Variants in SH3RF2 observed in about 807,000 individuals in gnomAD.
SH3RF2 encodes SH3 domain containing ring finger 2.
In SH3RF2, 43 loss-of-function variants were observed where a neutral mutation model predicts 59.0. That is an observed-to-expected ratio of 0.73 (90% CI 0.57 to 0.94). The LOEUF (loss-of-function observed/expected upper bound fraction) is 0.94, where lower values mean the gene tolerates loss of function less well. Ranked by LOEUF, SH3RF2 falls within the 40% of genes least tolerant of loss-of-function variation. The pLI, the probability that SH3RF2 is intolerant of heterozygous loss-of-function variation, is 0.00. For missense variants in SH3RF2, 930 were observed against 940.1 expected (o/e 0.99, Z 0.14); for synonymous variants, 391 against 391.5 (o/e 1.00, Z 0.01).
chr5:146,067,633 C>T (rs1212504003), downstream of SH3RF2, among the ~76,000 whole-genome samples: 1 of 152,188 alleles, frequency 6.6e-6, no homozygotes, highest in Admixed American at 6.5e-5. Flanking sequence ...AAGTGTGAGG[C>T]TCCAATCCAC....
At chr5:146,020,297 C>A (rs747723235) in intron 5 of SH3RF2, among the ~76,000 whole-genome samples, 1 of 152,192 alleles carries the variant, frequency 6.6e-6, no homozygotes, top group Non-Finnish European at 1.5e-5. Context: ...GACACACACA[C>A]GTGCATACAC....
At chr5:145,989,681 TC>T (rs1323845068) in intron 2 of SH3RF2, among the ~76,000 whole-genome samples, 1 of 152,160 alleles carries the variant, frequency 6.6e-6, no homozygotes, top group East Asian at 1.9e-4. Flanking sequence ...TTGATGTTGG[TC>T]CCACCTGATG....
In SH3RF2 at chr5:145,938,234, C is replaced by T; in HGVS notation, c.306C>T (p.Ser102=). ...GTMTLQDGRK[S]RTNPRRLQAS... ...TGACCTTGCAGGATGGCAGGAAAAG[C>T]AGGACCAACCCCAGACGTCTGCAGG... Residue 102 remains serine (S), a synonymous_variant, in exon 2 of 10, where the codon AGC becomes AGT. Coordinates refer to ENST00000359120, the MANE Select transcript of SH3RF2 (RefSeq NM_152550.4). The T allele has an allele frequency of 6.2e-7, 1 of 1,610,718 alleles. No homozygotes were observed. The highest frequency in any genetic ancestry group is 8.5e-7 in the Non-Finnish European group (1 of 1,179,636).
rs568102817 is a variant in SH3RF2 at position 146,060,223 on chromosome 5, A to C, written c.1913A>C (p.Lys638Thr). ...KPENSRNGIE[K>T]QVKTVRFQNY... ...GAAAACTCAAGAAATGGCATCGAAAAGGTAGGATCAGAGTGACATTGGGGG... is the reference window on the plus strand; with the variant it reads ...GAAAACTCAAGAAATGGCATCGAAACGGTAGGATCAGAGTGACATTGGGGG... The change falls in exon 9 of 10, where the codon AAG (lysine) becomes ACG (threonine). Residue 638 changes from lysine (K) to threonine (T), a missense_variant and splice_region_variant. By Grantham distance (78) the Lys-to-Thr change is moderately conservative. Transcript: ENST00000359120. 6.2e-7 allele frequency: 1 copy of C among 1,600,686 alleles called. No individual in the cohort carries two copies. Among genetic ancestry groups the C allele is most frequent in the South Asian group, 1.1e-5 (1 of 88,438 alleles).
At chr5:146,060,544 T>A (rs911663647) in intron 9 of SH3RF2, among the ~76,000 whole-genome samples, 1 of 152,236 alleles carries the variant, frequency 6.6e-6, no homozygotes, top group Non-Finnish European at 1.5e-5. Context: ...ATTCTAGCTT[T>A]GCTGCTTGCT....
At chr5:146,008,633 T>C (rs1176302805) in intron 4 of SH3RF2, among the ~76,000 whole-genome samples, 1 of 152,200 alleles carries the variant, frequency 6.6e-6, no homozygotes, top group African/African-American at 2.4e-5. Flanking sequence ...TTTTATTTCT[T>C]TTTTATTTAC....
rs151260813 is a variant in SH3RF2, at chr5:146,060,064, T to C, written c.1754T>C (p.Ile585Thr). The change falls in exon 9 of 10, where the codon ATC (isoleucine) becomes ACC (threonine). Residue 585 changes from isoleucine (I) to threonine (T), a missense_variant. Ile to Thr is a moderately conservative substitution (Grantham distance 89). Transcript: ENST00000359120. Reference protein sequence around the residue: ...ALTGEPALTCISRGSEAWIHS... With the variant: ...ALTGEPALTCTSRGSEAWIHS... Reference sequence around the variant, plus strand: ...ACGGGGGAGCCCGCCCTCACGTGCATCAGCAGGGGCAGTGAGGCCTGGATC... The same window carrying C: ...ACGGGGGAGCCCGCCCTCACGTGCACCAGCAGGGGCAGTGAGGCCTGGATC... 3.1e-4 allele frequency: 499 copies of C among 1,613,800 alleles called. 3 individuals carry two copies. The African/African-American group carries it at 6.1e-3, about 20-fold the overall frequency.
chr5:145,979,431 C>T (rs911348855), intron 2 of SH3RF2, among the ~76,000 whole-genome samples: 1 of 152,150 alleles, frequency 6.6e-6, no homozygotes, highest in African/African-American at 2.4e-5. Flanking sequence ...CAAACAAGAC[C>T]TTTGGAATTA....
intron 2 of SH3RF2, among the ~76,000 whole-genome samples, chr5:145,942,853 C>T (rs1255252972): frequency 6.6e-6 from 1 of 152,178 alleles, no homozygotes; most frequent in Admixed American, 6.5e-5. Context: ...AGTCTCCTCT[C>T]TTTTATTGCT....
At chr5:146,017,941 G>A (rs1296991657) in intron 5 of SH3RF2, among the ~76,000 whole-genome samples, 1 of 151,880 alleles carries the variant, frequency 6.6e-6, no homozygotes, top group African/African-American at 2.4e-5. Context: ...TCCCATTATT[G>A]AGTGATCACA....
chr5:146,047,766 G>C lies in SH3RF2; in HGVS notation c.1060-6G>C. On this transcript the variant is annotated splice_region_variant and splice_polypyrimidine_tract_variant and intron_variant, in intron 5 of 9. Coordinates refer to ENST00000359120, the MANE Select transcript of SH3RF2 (RefSeq NM_152550.4). ...TTCTGCTTGGCTGTCTTTTCTGTCT[G>C]TGCAGGTCAGCACTTATCACCCCGC... The C allele has an allele frequency of 6.2e-7, 1 of 1,613,916 alleles. No homozygotes were observed. Among genetic ancestry groups the C allele is most frequent in the Non-Finnish European group, 8.5e-7 (1 of 1,179,926 alleles).
At chr5:146,037,022 T>TC in intron 5 of SH3RF2, among the ~76,000 whole-genome samples, 1 of 152,192 alleles carries the variant, frequency 6.6e-6, no homozygotes, top group Non-Finnish European at 1.5e-5. Context: ...AATGAATCTT[T>TC]CCTTCTTAAA....
intron 7 of SH3RF2, among the ~76,000 whole-genome samples, chr5:146,053,565 A>T (rs1762571075): frequency 6.6e-6 from 1 of 152,102 alleles, no homozygotes; most frequent in Non-Finnish European, 1.5e-5. Flanking sequence ...AGGGAGGAAA[A>T]GATGGGGGCA....
chr5:146,069,855 T>TGAGC (rs1472729321), intron 9 of SH3RF2, among the ~76,000 whole-genome samples: 1 of 152,128 alleles, frequency 6.6e-6, no homozygotes, highest in Admixed American at 6.5e-5. Flanking sequence ...ATTACAGGTG[T>TGAGC]GAGCCACCAT....
chr5:146,057,980 C>CTATATATATATATATATATATATA (rs1196213101), intron 8 of SH3RF2, among the ~76,000 whole-genome samples: 5 of 129,406 alleles, frequency 3.9e-5, no homozygotes, highest in African/African-American at 1.1e-4. Context: ...ATCTATCTAT[C>CTATATATATATATATATATATATA]TATCTATATA....
chr5:145,959,875 G>A (rs1015206159), intron 2 of SH3RF2, among the ~76,000 whole-genome samples: 2 of 151,956 alleles, frequency 1.3e-5, no homozygotes, highest in African/African-American at 2.4e-5. Flanking sequence ...AGCATCACAC[G>A]GAGGTGGAGA....
At position 145,989,166 on chromosome 5, in the gene SH3RF2, G is replaced by A. The variant is rs72818449; in HGVS notation, c.379-10892G>A. Among the ~76,000 whole-genome samples, 546 of 152,328 alleles carry A rather than the reference G, an allele frequency of 3.6e-3. 5 individuals are homozygous for A. The highest frequency in any genetic ancestry group is 0.01 in the South Asian group (49 of 4,826). ...TCACAAAATAAAACTTCTGAAAAGCGAGTCAGCAAAGAAACCTGTGTGATT... is the reference window on the plus strand; with the variant it reads ...TCACAAAATAAAACTTCTGAAAAGCAAGTCAGCAAAGAAACCTGTGTGATT... On this transcript the variant is annotated intron_variant, in intron 2 of 9. Coordinates refer to ENST00000359120, the MANE Select transcript of SH3RF2 (RefSeq NM_152550.4).
chr5:145,998,010 T>C, intron 2 of SH3RF2: 1 of 706,656 alleles, frequency 1.4e-6, no homozygotes, highest in South Asian at 1.6e-5. Context: ...CACTGGAACC[T>C]GAAGCAGACT....
intron 7 of SH3RF2, among the ~76,000 whole-genome samples, chr5:146,055,645 T>C (rs1248476811): frequency 1.3e-5 from 2 of 152,226 alleles, no homozygotes; most frequent in Non-Finnish European, 2.9e-5. Context: ...TAGGATCTTA[T>C]GCTCTGAGCT....
Sources: allele counts gnomAD v4.1 joint callset (sites outside exome capture counted in the v4.1 genomes callset), GRCh38; gene constraint gnomAD v4.1.1; transcripts MANE v1.5; gene names NCBI Gene and HGNC (gene_info 2026-07-23, HGNC 2026-07-21).